Variants in CNTN3 observed in about 807,000 individuals in gnomAD.
CNTN3 encodes contactin-3.
A neutral mutation model predicts 119.1 loss-of-function variants in CNTN3; 60 were observed. The ratio of observed to expected loss-of-function variants is 0.50; its 90% CI spans 0.41 to 0.62. The LOEUF (loss-of-function observed/expected upper bound fraction) is 0.62. CNTN3 is among the 20% of genes least tolerant of loss of function. The pLI, the probability that CNTN3 is intolerant of heterozygous loss-of-function variation, is 0.00. For synonymous variants in CNTN3, 450 were observed against 438.7 expected (o/e 1.03, Z -0.32); for missense variants, 1,101 against 1,242.4 (o/e 0.89, Z 1.71).
At chr3:74,281,789 TA>T (rs1216037142) in intron 20 of CNTN3, among the ~76,000 whole-genome samples, 1 of 152,166 alleles carries the variant, frequency 6.6e-6, no homozygotes, top group African/African-American at 2.4e-5. Context: ...AAATGGGGAC[TA>T]TCACAGAAGA....
intron 5 of CNTN3, among the ~76,000 whole-genome samples, chr3:74,414,310 C>T (rs1043196842): frequency 1.5e-4 from 23 of 152,150 alleles, no homozygotes; most frequent in African/African-American, 5.3e-4. Flanking sequence ...ATCAAAGTTC[C>T]ATGTAAGCCA....
At chr3:74,520,006 T>C (rs1339501878) in intron 2 of CNTN3, among the ~76,000 whole-genome samples, 1 of 151,710 alleles carries the variant, frequency 6.6e-6, no homozygotes. Context: ...AATCTATTCA[T>C]GTCTTTAAAT....
chr3:74,500,009 G>A (rs1231462723), intron 2 of CNTN3, among the ~76,000 whole-genome samples: 1 of 151,960 alleles, frequency 6.6e-6, no homozygotes, highest in Admixed American at 6.6e-5. Context: ...GAAAAATATT[G>A]CCATATTAAG....
intron 3 of CNTN3, among the ~76,000 whole-genome samples, chr3:74,491,781 T>G (rs554685650): frequency 6.6e-6 from 1 of 152,188 alleles, no homozygotes; most frequent in Non-Finnish European, 1.5e-5. Context: ...TTGTAAAAAT[T>G]ACAAATTTCT....
intron 1 of CNTN3, among the ~76,000 whole-genome samples, chr3:74,551,754 C>CTTTTTTTTTTT (rs776621925): frequency 3.8e-4 from 23 of 60,180 alleles, no homozygotes; most frequent in East Asian, 6.3e-4. Context: ...TCTTCTTCTT[C>CTTTTTTTTTTT]TTTTTTTTTT....
intron 5 of CNTN3, among the ~76,000 whole-genome samples, chr3:74,423,746 G>A (rs936151596): frequency 5.3e-5 from 8 of 152,130 alleles, no homozygotes; most frequent in African/African-American, 1.7e-4. Flanking sequence ...AAATAAACTG[G>A]AGAACACAAT....
chr3:74,297,081 G>A (rs180908815), intron 18 of CNTN3, among the ~76,000 whole-genome samples: 19 of 152,210 alleles, frequency 1.2e-4, no homozygotes, highest in African/African-American at 4.3e-4. Context: ...CCACCAGCAG[G>A]TTCATATCCC....
chr3:74,333,709 G>T (rs1272790031), intron 13 of CNTN3, among the ~76,000 whole-genome samples: 1 of 152,088 alleles, frequency 6.6e-6, no homozygotes, highest in African/African-American at 2.4e-5. Context: ...ATATATTTTT[G>T]GGAGGACACA....
At chr3:74,597,793 ACT>A (rs1446029543) in intron 1 of CNTN3, among the ~76,000 whole-genome samples, 1 of 152,040 alleles carries the variant, frequency 6.6e-6, no homozygotes, top group African/African-American at 2.4e-5. Flanking sequence ...AAATTAGATA[ACT>A]CTAGCAATAC....
chr3:74,407,371 C>T (rs867583192), intron 5 of CNTN3, among the ~76,000 whole-genome samples: 4 of 144,818 alleles, frequency 2.8e-5, no homozygotes, highest in East Asian at 2.2e-4. Context: ...TGGGTTCAAG[C>T]GATTCTCCTG....
At chr3:74,317,979 C>T (rs1368563848) in intron 13 of CNTN3, among the ~76,000 whole-genome samples, 1 of 152,208 alleles carries the variant, frequency 6.6e-6, no homozygotes, top group Admixed American at 6.5e-5. Flanking sequence ...GTACACCAAT[C>T]AGACGTAGAT....
intron 4 of CNTN3, among the ~76,000 whole-genome samples, chr3:74,468,253 T>C (rs1271656786): frequency 1.3e-5 from 2 of 152,194 alleles, no homozygotes; most frequent in South Asian, 2.1e-4. Flanking sequence ...CATTTACAGA[T>C]GTTAAAATGC....
chr3:74,603,977 C>A (rs1168075301), intron 1 of CNTN3, among the ~76,000 whole-genome samples: 1 of 152,026 alleles, frequency 6.6e-6, no homozygotes, highest in African/African-American at 2.4e-5. Context: ...ACGCATATCC[C>A]ATCAGAACAG....
intron 2 of CNTN3, among the ~76,000 whole-genome samples, chr3:74,500,797 A>G (rs1407082439): frequency 7.2e-5 from 11 of 152,116 alleles, no homozygotes; most frequent in Non-Finnish European, 1.6e-4. Flanking sequence ...TGATAAAAAT[A>G]GCAGCTGCTA....
chr3:74,548,502 G>A (rs1460594139), intron 1 of CNTN3, among the ~76,000 whole-genome samples: 1 of 152,050 alleles, frequency 6.6e-6, no homozygotes, highest in East Asian at 1.9e-4. Flanking sequence ...AAATACTTTA[G>A]TAATCCTGGA....
intron 13 of CNTN3, among the ~76,000 whole-genome samples, chr3:74,308,737 T>G (rs964955020): frequency 6.6e-6 from 1 of 152,186 alleles, no homozygotes; most frequent in Non-Finnish European, 1.5e-5. Flanking sequence ...CTTAAATCAT[T>G]AGAGTCACGT....
At chr3:74,332,337 T>C (rs1703285111) in intron 13 of CNTN3, among the ~76,000 whole-genome samples, 1 of 152,216 alleles carries the variant, frequency 6.6e-6, no homozygotes, top group South Asian at 2.1e-4. Flanking sequence ...CTTACTGTTT[T>C]ATACTGATGG....
chr3:74,407,698 A>T (rs762882573), intron 5 of CNTN3, among the ~76,000 whole-genome samples: 1 of 152,076 alleles, frequency 6.6e-6, no homozygotes, highest in Non-Finnish European at 1.5e-5. Flanking sequence ...GTACAGTGAC[A>T]GATGCATTGA....
At chr3:74,309,187 C>T (rs978438448) in intron 13 of CNTN3, among the ~76,000 whole-genome samples, 1 of 152,226 alleles carries the variant, frequency 6.6e-6, no homozygotes, top group Non-Finnish European at 1.5e-5. Flanking sequence ...ACCCTGCAAC[C>T]TCCATCTCCT....
Sources: allele counts gnomAD v4.1 joint callset (sites outside exome capture counted in the v4.1 genomes callset), GRCh38; gene constraint gnomAD v4.1.1; transcripts MANE v1.5; gene names NCBI Gene and HGNC (gene_info 2026-07-23, HGNC 2026-07-21).